The following TICRR variants were observed in gnomAD, a reference collection of about 807,000 sequenced individuals.
TICRR encodes TOPBP1 interacting checkpoint and replication regulator.
A neutral mutation model predicts 178.1 loss-of-function variants in TICRR; 132 were observed. That is an observed-to-expected ratio of 0.74 (90% confidence interval 0.64 to 0.86). TICRR has a LOEUF of 0.86. Among genes scored for constraint, TICRR ranks in the 40% least tolerant of loss-of-function variants. TICRR has a pLI of 0.00. For synonymous variants in TICRR, 991 were observed against 900.7 expected (o/e 1.10, Z -1.79); for missense variants, 2,587 against 2,334.3 (o/e 1.11, Z -2.23).
chr15:89,604,323 A>G (rs973256605), intron 13 of TICRR, among the ~76,000 whole-genome samples: 1 of 152,242 alleles, frequency 6.6e-6, no homozygotes, highest in Admixed American at 6.5e-5. Context: ...TATCTTATAT[A>G]TCTCACAATC....
At position 89,624,024 on chromosome 15, in the gene TICRR, A is replaced by G. The variant is rs1054307582; in HGVS notation, c.3714A>G (p.Arg1238=). 6.2e-7 allele frequency: 1 copy of G among 1,613,808 alleles called. No homozygotes were observed. The highest frequency in any genetic ancestry group is 8.5e-7 in the Non-Finnish European group (1 of 1,179,980). Residue 1238 remains arginine (R), a synonymous_variant, in exon 20 of 22, where the codon AGA becomes AGG. Transcript: ENST00000268138. ...CTTCATCGACTGCCCAGCCCAGGAG[A>G]GAGTGTCTCACTCCCATCAGAGACC... is the stretch of plus-strand genomic sequence containing the variant. ...PPTSSTAQPR[R]ECLTPIRDPL...
chr15:89,596,537 GGGTTTTATCATATTGGTCAGGCT>G (rs1642952782), intron 7 of TICRR, among the ~76,000 whole-genome samples: 1 of 152,152 alleles, frequency 6.6e-6, no homozygotes. Flanking sequence ...AGTAGAGACA[GGGTTTTATCATATTGGTCAGGCT>G]GGTTTCGAAC....
intron 5 of TICRR, among the ~76,000 whole-genome samples, chr15:89,593,455 A>G (rs1596044213): frequency 6.6e-6 from 1 of 152,276 alleles, no homozygotes; most frequent in African/African-American, 2.4e-5. Flanking sequence ...CCGTAACCCC[A>G]GTACTTTGGG....
chr15:89,581,975 CCTCA>C (rs1186015704), intron 1 of TICRR, among the ~76,000 whole-genome samples: 3 of 152,042 alleles, frequency 2.0e-5, no homozygotes, highest in African/African-American at 7.2e-5. Context: ...GGTGCTCCTG[CCTCA>C]CTCCCATGAC....
chr15:89,579,609 G>A (rs964575565), intron 1 of TICRR, among the ~76,000 whole-genome samples: 5 of 151,602 alleles, frequency 3.3e-5, no homozygotes, highest in African/African-American at 1.2e-4. Context: ...GCCTCCCAAA[G>A]TGCTGGGATT....
chr15:89,610,587 T>A (rs1004787045), intron 15 of TICRR, among the ~76,000 whole-genome samples: 6 of 152,200 alleles, frequency 3.9e-5, no homozygotes, highest in Admixed American at 1.3e-4. Flanking sequence ...TTAGTGTCTT[T>A]GTATCTAAAT....
In TICRR at chr15:89,616,472, G is replaced by A. The variant is rs746926385; in HGVS notation, c.2937G>A (p.Leu979=). ...TGCATAAGCAGATCTCCAAAAGGCT[G>A]CTGCACAGACAAATCAAGGGCAGGT... ...TPVHKQISKR[L]LHRQIKGRSS... The change falls in exon 16 of 22, where the codon CTG becomes CTA. Residue 979 remains leucine (L), a synonymous_variant. Coordinates refer to ENST00000268138, the MANE Select transcript of TICRR (RefSeq NM_152259.4). 1.2e-6 allele frequency: 2 copies of A among 1,613,868 alleles called. No individual in the cohort carries two copies. The highest frequency in any genetic ancestry group is 3.3e-5 in the Admixed American group (2 of 59,990).
intron 18 of TICRR, among the ~76,000 whole-genome samples, chr15:89,620,950 C>T (rs560219353): frequency 1.2e-4 from 18 of 151,626 alleles, no homozygotes; most frequent in African/African-American, 1.7e-4. Flanking sequence ...TCTCGATCTC[C>T]GACTTAGTGA....
In TICRR at chr15:89,608,835, C is replaced by A; in HGVS notation, c.2755C>A (p.Gln919Lys). 6.2e-7 allele frequency: 1 copy of A among 1,602,498 alleles called. No individual in the cohort carries two copies. The highest frequency in any genetic ancestry group is 1.4e-5 in the African/African-American group (1 of 73,882). Reference protein sequence around the residue: ...VTKVRRNLFNQELLSPSKRSL... With the variant: ...VTKVRRNLFNKELLSPSKRSL... The stretch of plus-strand genomic sequence containing the variant: ...CAAAGTTCGAAGAAATCTTTTCAAC[C>A]AGGAATTGCTTTCCCCTTCAAAGAG... Residue 919 changes from glutamine to lysine, a missense_variant, in exon 15 of 22, where the codon CAG becomes AAG. Coordinates refer to ENST00000268138, the MANE Select transcript of TICRR (RefSeq NM_152259.4).
intron 11 of TICRR, 45 bp from the exon 12 acceptor site, chr15:89,601,692 G>GGGT (rs1963101061): frequency 6.2e-7 from 1 of 1,612,900 alleles, no homozygotes; most frequent in Admixed American, 1.7e-5. Context: ...GGAATAGAGA[G>GGGT]GGTAAGATGG....
At chr15:89,576,847 A>G (rs1257589056) in intron 1 of TICRR, among the ~76,000 whole-genome samples, 12 of 142,086 alleles carry the variant, frequency 8.4e-5, no homozygotes, top group African/African-American at 2.6e-4. Context: ...ATATATATAT[A>G]TATATATATA....
At chr15:89,614,317 ATTT>A (rs1170845165) in intron 15 of TICRR, among the ~76,000 whole-genome samples, 1 of 136,266 alleles carries the variant, frequency 7.3e-6, no homozygotes. Flanking sequence ...TGACAACTGG[ATTT>A]TTTTTTTTTT....
At chr15:89,583,147 TA>T (rs1962760552) in intron 2 of TICRR, among the ~76,000 whole-genome samples, 182 bp downstream of exon 2, 1 of 152,194 alleles carries the variant, frequency 6.6e-6, no homozygotes, top group African/African-American at 2.4e-5. Context: ...GTTGAACTCT[TA>T]ATTCAGTACA....
chr15:89,621,349 G>T, intron 18 of TICRR, 44 bp from the exon 19 acceptor site: 2 of 1,573,118 alleles, frequency 1.3e-6, no homozygotes, highest in South Asian at 1.2e-5. Context: ...GGAAGAACAG[G>T]AATTGAGAAA....
chr15:89,618,085 C>T (rs919103220), intron 16 of TICRR, 67 bp from the exon 17 acceptor site: 25 of 1,483,862 alleles, frequency 1.7e-5, no homozygotes, highest in Non-Finnish European at 2.4e-5. Context: ...TGAGAAGCTG[C>T]CTGTCTCCTT....
Position 89,624,673 on chromosome 15 carries a change from C to T in TICRR, c.4363C>T (p.Leu1455=), listed in dbSNP as rs751787061. The part of the protein sequence containing the change: ...LRSDWHASSP[L]LITSDTEHVT... Reference sequence around the variant, plus strand: ...GAGTGATTGGCATGCATCCTCTCCTCTGCTCATTACAAGTGACACAGAGCA... The same window carrying T: ...GAGTGATTGGCATGCATCCTCTCCTTTGCTCATTACAAGTGACACAGAGCA... Residue 1455 remains leucine (L), a synonymous_variant, in exon 20 of 22, where the codon CTG becomes TTG. Transcript: ENST00000268138. 21 of 1,614,110 alleles carry T rather than the reference C, an allele frequency of 1.3e-5. No individual in the cohort carries two copies. Among genetic ancestry groups the T allele is most frequent in the Non-Finnish European group, 1.8e-5 (21 of 1,180,028 alleles).
At position 89,585,922 on chromosome 15, in the gene TICRR, T is replaced by C; in HGVS notation, c.1391T>C (p.Leu464Pro). 1 of 1,614,042 alleles carries C rather than the reference T, an allele frequency of 6.2e-7. No individual in the cohort carries two copies. Among genetic ancestry groups the C allele is most frequent in the Non-Finnish European group, 8.5e-7 (1 of 1,179,892 alleles). The change falls in exon 4 of 22, where the codon CTT becomes CCT. Residue 464 changes from leucine (L) to proline (P), a missense_variant. Transcript: ENST00000268138. ...ATATTGAATCAGACTCATGATTCGC[T>C]TGCAGATACTGCTTCTGCTGGTAAG... The part of the protein sequence containing the change: ...DSILNQTHDS[L>P]ADTASAASPV...
chr15:89,608,953 C>T lies in TICRR; in HGVS notation c.2869+4C>T. 2 of 1,583,604 alleles carry T rather than the reference C, an allele frequency of 1.3e-6. No individual in the cohort carries two copies. The highest frequency in any genetic ancestry group is 1.7e-6 in the Non-Finnish European group (2 of 1,170,346). On this transcript the variant is annotated splice_donor_region_variant and intron_variant, in intron 15 of 21. Transcript: ENST00000268138. ...GACAACTTCAAGAAGAACAAAGGTA[C>T]CACATTTCAGAATAGCTAGGAAAAA...
intron 4 of TICRR, among the ~76,000 whole-genome samples, chr15:89,586,682 C>G (rs1288655078): frequency 1.3e-5 from 2 of 152,052 alleles, no homozygotes; most frequent in African/African-American, 2.4e-5. Context: ...GATATTTGAG[C>G]AAAGGCATGA....
Sources: gnomAD v4.1 joint callset for allele counts (sites outside exome capture counted in the v4.1 genomes callset) on GRCh38, gnomAD v4.1.1 for gene constraint, MANE v1.5 for transcripts, NCBI Gene and HGNC (gene_info 2026-07-23, HGNC 2026-07-21) for gene names.